Variants in UBR3 observed in about 807,000 individuals in gnomAD.
UBR3 encodes the protein ubiquitin protein ligase E3 component n-recognin 3, also known as E3 ubiquitin-protein ligase UBR3.
Under a neutral mutation model 243.2 loss-of-function variants are expected in UBR3, and 85 were observed. That is an observed-to-expected ratio of 0.35 (90% CI 0.29 to 0.42). The LOEUF is 0.42. UBR3 is among the 10% of genes least tolerant of loss of function. The probability of loss-of-function intolerance (pLI) is 1.00; values close to 1 mark genes in which losing one functional copy is unlikely to be tolerated. For missense variants in UBR3, 1,686 were observed against 2,300.8 expected, an observed-to-expected ratio of 0.73 and a Z score of 5.47; for synonymous variants, 748 against 799.8, an observed-to-expected ratio of 0.94 and a Z score of 1.09.
chr2:170,030,046 C>T (rs185673908), intron 31 of UBR3, among the ~76,000 whole-genome samples: 3 of 152,058 alleles, frequency 2.0e-5, no homozygotes, highest in African/African-American at 7.2e-5. Flanking sequence ...CAACAGTGAC[C>T]AATAAGTTTG....
chr2:169,975,022 T>C (rs113861669), intron 24 of UBR3, among the ~76,000 whole-genome samples: 6,514 of 152,152 alleles, frequency 0.043, 154 homozygotes, highest in Middle Eastern at 0.061. Context: ...AATACAAAAA[T>C]TAGCCTGGTG....
At chr2:169,898,334 T>A (rs970647698) in intron 8 of UBR3, among the ~76,000 whole-genome samples, 2 of 152,214 alleles carry the variant, frequency 1.3e-5, no homozygotes, top group African/African-American at 4.8e-5. Context: ...CAAGGCATAA[T>A]GCGTTATATA....
intron 30 of UBR3, among the ~76,000 whole-genome samples, chr2:170,021,380 C>T (rs930064769): frequency 3.3e-5 from 5 of 152,196 alleles, no homozygotes; most frequent in East Asian, 1.9e-4. Flanking sequence ...GATCAAGGCT[C>T]CAGCAGATTT....
chr2:170,022,557 C>G (rs970540150), intron 30 of UBR3, among the ~76,000 whole-genome samples: 6 of 152,094 alleles, frequency 3.9e-5, no homozygotes, highest in Non-Finnish European at 8.8e-5. Context: ...ATCTGTTGGA[C>G]TTTGGGAACC....
intron 1 of UBR3, 40 bp downstream of exon 1, chr2:169,828,092 CGGGGA>C: frequency 7.7e-7 from 1 of 1,291,498 alleles, no homozygotes; most frequent in Non-Finnish European, 9.9e-7. Context: ...GACCCTGGGC[CGGGGA>C]CGTCGCGGGA....
intron 31 of UBR3, among the ~76,000 whole-genome samples, chr2:170,033,456 G>A (rs2090733453): frequency 6.6e-6 from 1 of 151,642 alleles, no homozygotes; most frequent in Non-Finnish European, 1.5e-5. Context: ...TTGAGGAACG[G>A]AGCTGAGATT....
Position 170,073,491 on chromosome 2 carries a change from G to C in UBR3, c.5083G>C (p.Glu1695Gln), listed in dbSNP as rs760324301. The change falls in exon 36 of 39, where the codon GAA becomes CAA. Residue 1695 changes from glutamate (E) to glutamine (Q), a missense_variant. Transcript: ENST00000272793. ...LGLLPTFYQT[E>Q]HPFISASCLD... ...ACTTCTGCCAACGTTTTACCAAACAGAACATCCATTCATCAGTGCCTCCTG... is the reference window on the plus strand; with the variant it reads ...ACTTCTGCCAACGTTTTACCAAACACAACATCCATTCATCAGTGCCTCCTG... 6.2e-7 allele frequency: 1 copy of C among 1,613,834 alleles called. No homozygotes were observed. The highest frequency in any genetic ancestry group is 1.1e-5 in the South Asian group (1 of 91,070).
intron 8 of UBR3, among the ~76,000 whole-genome samples, chr2:169,904,359 T>C (rs1559078484): frequency 6.6e-6 from 1 of 152,180 alleles, no homozygotes; most frequent in African/African-American, 2.4e-5. Flanking sequence ...GAGCATTCCA[T>C]GTATTATGGG....
At chr2:170,045,011 T>A (rs775880468) in intron 32 of UBR3, among the ~76,000 whole-genome samples, 4 of 152,190 alleles carry the variant, frequency 2.6e-5, no homozygotes, top group Non-Finnish European at 5.9e-5. Flanking sequence ...CATAAAATCA[T>A]CATCCTTTAT....
intron 1 of UBR3, among the ~76,000 whole-genome samples, chr2:169,842,195 T>C (rs939186866): frequency 6.6e-6 from 1 of 152,124 alleles, no homozygotes; most frequent in African/African-American, 2.4e-5. Flanking sequence ...TGTGTTTAGC[T>C]CAAGGTTTGT....
chr2:170,051,844 G>A (rs2091225574), intron 32 of UBR3, among the ~76,000 whole-genome samples: 1 of 151,794 alleles, frequency 6.6e-6, no homozygotes, highest in Admixed American at 6.6e-5. Context: ...TGACTTTGAC[G>A]GCACCATCCT....
intron 27 of UBR3, among the ~76,000 whole-genome samples, chr2:170,004,924 CAAAA>C (rs1344897827): frequency 2.6e-5 from 4 of 151,388 alleles, no homozygotes; most frequent in African/African-American, 4.9e-5. Flanking sequence ...AACAAACAAA[CAAAA>C]AGAAAGAGAA....
intron 1 of UBR3, among the ~76,000 whole-genome samples, chr2:169,835,412 A>T (rs976351767): frequency 1.3e-5 from 2 of 152,014 alleles, no homozygotes; most frequent in Non-Finnish European, 2.9e-5. Context: ...AAACCACAAT[A>T]CCAATACTAC....
chr2:170,080,908 G>A (rs905756314), intron 38 of UBR3, among the ~76,000 whole-genome samples: 1 of 152,108 alleles, frequency 6.6e-6, no homozygotes, highest in African/African-American at 2.4e-5. Context: ...CAAAGAATCC[G>A]TTGGCCAGGC....
chr2:170,035,887 A>G (rs1212058220), intron 31 of UBR3, among the ~76,000 whole-genome samples: 1 of 108,032 alleles, frequency 9.3e-6, no homozygotes, highest in African/African-American at 3.4e-5. Flanking sequence ...TTTTTTTGCT[A>G]GATTTATACC....
intron 20 of UBR3, among the ~76,000 whole-genome samples, chr2:169,943,699 GA>G (rs1177034693): frequency 6.6e-6 from 1 of 151,866 alleles, no homozygotes; most frequent in African/African-American, 2.4e-5. Flanking sequence ...TAGATACAAA[GA>G]AAACCTATTG....
At chr2:169,969,021 T>A (rs2091744) in intron 24 of UBR3, among the ~76,000 whole-genome samples, 66,749 of 152,052 alleles carry the variant, frequency 0.44, 15,791 homozygotes, top group Non-Finnish European at 0.54. Flanking sequence ...ATCAGATAAT[T>A]TGTCCATTTT....
chr2:170,039,401 C>A (rs909625708), intron 31 of UBR3, among the ~76,000 whole-genome samples: 4 of 150,874 alleles, frequency 2.7e-5, no homozygotes, highest in Non-Finnish European at 4.4e-5. Context: ...TTTTTTTAGA[C>A]CTTGGCCTTG....
chr2:169,884,514 G>T (rs10445760), intron 5 of UBR3, among the ~76,000 whole-genome samples: 64,415 of 152,094 alleles, frequency 0.42, 15,245 homozygotes, highest in Non-Finnish European at 0.54. Flanking sequence ...ATTCATTGTA[G>T]GTTAAAGAAC....
Sources: allele counts gnomAD v4.1 joint callset (sites outside exome capture counted in the v4.1 genomes callset), GRCh38; gene constraint gnomAD v4.1.1; transcripts MANE v1.5; gene names NCBI Gene and HGNC (gene_info 2026-07-23, HGNC 2026-07-21).